SLC1A1: variants seen among roughly 807,000 people sequenced by gnomAD.
SLC1A1 encodes the protein solute carrier family 1 member 1.
Under a neutral mutation model 53.3 loss-of-function variants are expected in SLC1A1, and 43 were observed. That is an observed-to-expected ratio of 0.81 (90% confidence interval 0.63 to 1.04). The LOEUF (loss-of-function observed/expected upper bound fraction) is 1.04. SLC1A1 is among the 50% of genes least tolerant of loss of function. The pLI, the probability that SLC1A1 is intolerant of heterozygous loss-of-function variation, is 0.00. For missense variants in SLC1A1, 748 were observed against 664.9 expected (o/e 1.12, Z -1.37); for synonymous variants, 307 against 243.2 (o/e 1.26, Z -2.44).
chr9:4,571,850 T>A (rs1476671835), intron 6 of SLC1A1, among the ~76,000 whole-genome samples: 3 of 152,206 alleles, frequency 2.0e-5, no homozygotes, highest in African/African-American at 7.2e-5. Context: ...TGTGTTTTTT[T>A]AAGCAGACTC....
intron 1 of SLC1A1, among the ~76,000 whole-genome samples, chr9:4,493,017 G>A (rs943372549): frequency 9.9e-5 from 15 of 152,178 alleles, no homozygotes; most frequent in African/African-American, 2.7e-4. Context: ...AATCAGTTGC[G>A]TGAATAAGAA....
intron 1 of SLC1A1, among the ~76,000 whole-genome samples, chr9:4,499,883 A>C (rs1169698083): frequency 1.3e-5 from 2 of 152,156 alleles, no homozygotes. Context: ...CTGTGTAGAA[A>C]ATTTTTGTGT....
At chr9:4,571,939 G>T (rs1222708159) in intron 6 of SLC1A1, among the ~76,000 whole-genome samples, 1 of 152,040 alleles carries the variant, frequency 6.6e-6, no homozygotes, top group African/African-American at 2.4e-5. Context: ...AACCATTCCA[G>T]AATAAGAAAT....
chr9:4,493,222 T>C lies in SLC1A1; in HGVS notation c.91+2452T>C, dbSNP rs184486529. ...TTCAGATGGCAACAAAGGGCAGTCCTGCTTCTGGTCTGAGAAGTCTCAAAC... is the reference window on the plus strand; with the variant it reads ...TTCAGATGGCAACAAAGGGCAGTCCCGCTTCTGGTCTGAGAAGTCTCAAAC... On this transcript the variant is annotated intron_variant, in intron 1 of 11. Coordinates refer to ENST00000262352, the MANE Select transcript of SLC1A1 (RefSeq NM_004170.6). Among the ~76,000 whole-genome samples, 375 of 152,354 alleles carry C rather than the reference T, an allele frequency of 2.5e-3. 2 individuals carry two copies. The highest frequency in any genetic ancestry group is 4.6e-3 in the Admixed American group (70 of 15,306).
intron 8 of SLC1A1, among the ~76,000 whole-genome samples, chr9:4,574,445 C>T (rs746442989): frequency 6.6e-6 from 1 of 152,152 alleles, no homozygotes; most frequent in South Asian, 2.1e-4. Context: ...CAAGTAGGAG[C>T]AGGATGGCTG....
chr9:4,558,350 G>A (rs1407088735), intron 2 of SLC1A1, among the ~76,000 whole-genome samples: 1 of 152,218 alleles, frequency 6.6e-6, no homozygotes, highest in Non-Finnish European at 1.5e-5. Flanking sequence ...TACAGAGGTA[G>A]AGGTAACTAT....
At chr9:4,496,344 A>G (rs1255379904) in intron 1 of SLC1A1, among the ~76,000 whole-genome samples, 7 of 152,052 alleles carry the variant, frequency 4.6e-5, no homozygotes, top group Admixed American at 3.9e-4. Context: ...GTGTGAAAGA[A>G]TTCAGAGAAA....
At chr9:4,569,562 G>A (rs754178595) in intron 6 of SLC1A1, among the ~76,000 whole-genome samples, 4 of 152,162 alleles carry the variant, frequency 2.6e-5, no homozygotes, top group Non-Finnish European at 5.9e-5. Flanking sequence ...GATTTCTCCC[G>A]AATGTTCTCT....
At position 4,561,496 on chromosome 9, in the gene SLC1A1, G is replaced by GCTGT. The variant is rs1564040734; in HGVS notation, c.282_285dup (p.Val96CysfsTer32). The GCTGT allele has an allele frequency of 6.2e-7, 1 of 1,610,254 alleles. No individual in the cohort carries two copies. Among genetic ancestry groups the GCTGT allele is most frequent in the South Asian group, 1.1e-5 (1 of 90,982 alleles). On this transcript the variant is annotated frameshift_variant, in exon 3 of 12. Coordinates refer to ENST00000262352, the MANE Select transcript of SLC1A1 (RefSeq NM_004170.6). LOFTEE classifies it high-confidence loss of function. ...CGTATCCGGAAAAATTGGTCTGCGCGCTGTCGTGTATTATTTCTGTACCAC... is the reference window on the plus strand; with the variant it reads ...CGTATCCGGAAAAATTGGTCTGCGCGCTGTCTGTCGTGTATTATTTCTGTACCAC...
At chr9:4,529,804 C>A (rs1816399857) in intron 1 of SLC1A1, among the ~76,000 whole-genome samples, 1 of 152,088 alleles carries the variant, frequency 6.6e-6, no homozygotes, top group Non-Finnish European at 1.5e-5. Flanking sequence ...CAGGTGTGAG[C>A]CACCATACCT....
chr9:4,577,634 C>G (rs1820680651), intron 10 of SLC1A1, among the ~76,000 whole-genome samples: 2 of 152,144 alleles, frequency 1.3e-5, no homozygotes, highest in South Asian at 4.1e-4. Flanking sequence ...CACCACCACA[C>G]CTGGCTAATT....
chr9:4,585,920 AT>A lies in SLC1A1; in HGVS notation c.*363del, dbSNP rs1213357338. 2.0e-5 allele frequency: 4 copies of A among 199,196 alleles called. No homozygotes were observed. The highest frequency in any genetic ancestry group is 3.1e-5 in the Non-Finnish European group (3 of 96,502). 12.3% of individuals were successfully genotyped at this position (199,196 alleles called of 1,614,324 possible). On this transcript the variant is annotated 3_prime_UTR_variant, in exon 12 of 12. Coordinates refer to ENST00000262352, the MANE Select transcript of SLC1A1 (RefSeq NM_004170.6). ...CAAGTGTTTTGGGTTTTTAAAAAAA[AT>A]ATTCTGTCATTGGTTACAAATTTTT... is the stretch of plus-strand genomic sequence containing the variant.
intron 1 of SLC1A1, among the ~76,000 whole-genome samples, chr9:4,491,183 G>T (rs1476563175): frequency 2.6e-5 from 4 of 152,238 alleles, no homozygotes; most frequent in African/African-American, 9.6e-5. Context: ...CGCGGGCAGA[G>T]ATTGAGTGTG....
At chr9:4,582,118 A>AT (rs1821154690) in intron 10 of SLC1A1, among the ~76,000 whole-genome samples, 1 of 152,146 alleles carries the variant, frequency 6.6e-6, no homozygotes. Context: ...AAGTCAAGGG[A>AT]TTTTTCAGGG....
intron 1 of SLC1A1, among the ~76,000 whole-genome samples, chr9:4,529,794 C>G (rs115638238): frequency 6.6e-6 from 1 of 152,094 alleles, no homozygotes; most frequent in African/African-American, 2.4e-5. Flanking sequence ...ACTGGAATTA[C>G]AGGTGTGAGC....
chr9:4,542,893 T>A (rs1817140207), intron 1 of SLC1A1, among the ~76,000 whole-genome samples: 1 of 152,196 alleles, frequency 6.6e-6, no homozygotes, highest in Non-Finnish European at 1.5e-5. Flanking sequence ...AGCTACAATT[T>A]GGGAAATGTT....
chr9:4,492,168 A>C (rs1410313789), intron 1 of SLC1A1, among the ~76,000 whole-genome samples: 3 of 152,054 alleles, frequency 2.0e-5, no homozygotes, highest in African/African-American at 7.2e-5. Context: ...TTCGGTTTTG[A>C]ACATTTTTAA....
chr9:4,511,414 G>A (rs1446118835), intron 1 of SLC1A1, among the ~76,000 whole-genome samples: 1 of 152,024 alleles, frequency 6.6e-6, no homozygotes, highest in Non-Finnish European at 1.5e-5. Context: ...CTCCCCTCAC[G>A]ACCTAATCAC....
chr9:4,573,257 A>G (rs1249870618), intron 7 of SLC1A1, among the ~76,000 whole-genome samples: 1 of 152,212 alleles, frequency 6.6e-6, no homozygotes, highest in East Asian at 1.9e-4. Flanking sequence ...TATTTAATCC[A>G]AAGTGTAGAT....
Sources: gnomAD v4.1 joint callset for allele counts (sites outside exome capture counted in the v4.1 genomes callset) on GRCh38, gnomAD v4.1.1 for gene constraint, MANE v1.5 for transcripts, NCBI Gene and HGNC (gene_info 2026-07-23, HGNC 2026-07-21) for gene names.